Variants in GRM7 observed in about 807,000 individuals in gnomAD.
The protein encoded by GRM7 is metabotropic glutamate receptor 7.
Under a neutral mutation model 84.5 loss-of-function variants are expected in GRM7, and 35 were observed. That is an observed-to-expected ratio of 0.41 (90% CI 0.32 to 0.55). GRM7 has a LOEUF of 0.55. Ranked by LOEUF, GRM7 falls within the 20% of genes least tolerant of loss-of-function variation. GRM7 has a pLI of 0.19. For synonymous variants in GRM7, 487 were observed against 455.1 expected, an observed-to-expected ratio of 1.07 and a Z score of -0.89; for missense variants, 1,003 against 1,194.6, an observed-to-expected ratio of 0.84 and a Z score of 2.36.
intron 2 of GRM7, among the ~76,000 whole-genome samples, chr3:7,273,878 G>C (rs916541316): frequency 1.3e-5 from 2 of 151,876 alleles, no homozygotes; most frequent in African/African-American, 4.8e-5. Flanking sequence ...TATTTATATA[G>C]TTGGAGTAAT....
intron 1 of GRM7, among the ~76,000 whole-genome samples, chr3:7,112,328 G>A (rs752080085): frequency 2.6e-5 from 4 of 151,674 alleles, no homozygotes; most frequent in Non-Finnish European, 5.9e-5. Flanking sequence ...AGGTTCAAGC[G>A]ATTCTCCTGC....
At chr3:7,673,610 T>C (rs1700015817) in intron 8 of GRM7, among the ~76,000 whole-genome samples, 1 of 151,906 alleles carries the variant, frequency 6.6e-6, no homozygotes, top group South Asian at 2.1e-4. Flanking sequence ...CTACAATAAA[T>C]GTATCACTTT....
At chr3:7,674,605 G>C (rs1270427029) in intron 8 of GRM7, among the ~76,000 whole-genome samples, 1 of 152,158 alleles carries the variant, frequency 6.6e-6, no homozygotes, top group Non-Finnish European at 1.5e-5. Context: ...TGTGTGTGTG[G>C]TAAGGAAACT....
intron 9 of GRM7, among the ~76,000 whole-genome samples, chr3:7,709,343 C>G (rs2125164469): frequency 6.6e-6 from 1 of 151,102 alleles, no homozygotes; most frequent in East Asian, 1.9e-4. Context: ...TAGTTTGGAA[C>G]AGAGAGTTTG....
intron 1 of GRM7, among the ~76,000 whole-genome samples, chr3:6,924,296 A>G (rs1013467080): frequency 6.6e-6 from 1 of 152,218 alleles, no homozygotes; most frequent in African/African-American, 2.4e-5. Flanking sequence ...GAGATAGACA[A>G]ATATCTCCAA....
chr3:7,482,024 T>C (rs1319769387), intron 7 of GRM7, among the ~76,000 whole-genome samples: 4 of 151,974 alleles, frequency 2.6e-5, no homozygotes, highest in Admixed American at 1.3e-4. Flanking sequence ...CTGTCTCTAC[T>C]AAAAATACAA....
At chr3:7,407,587 T>G (rs1695737975) in intron 4 of GRM7, among the ~76,000 whole-genome samples, 1 of 150,878 alleles carries the variant, frequency 6.6e-6, no homozygotes, top group Non-Finnish European at 1.5e-5. Context: ...CTGTAAGGTA[T>G]CCTACTATCC....
chr3:7,505,684 A>C (rs1319340596), intron 7 of GRM7, among the ~76,000 whole-genome samples: 2 of 152,188 alleles, frequency 1.3e-5, no homozygotes, highest in African/African-American at 4.8e-5. Flanking sequence ...TACCTTCTGA[A>C]GCACTGGGAC....
chr3:6,998,865 G>A (rs368089182), intron 1 of GRM7, among the ~76,000 whole-genome samples: 1 of 152,268 alleles, frequency 6.6e-6, no homozygotes, highest in East Asian at 1.9e-4. Context: ...CTGGGCCCAG[G>A]CCCTGAAACC....
At chr3:7,469,467 T>C (rs1698605444) in intron 7 of GRM7, among the ~76,000 whole-genome samples, 1 of 152,184 alleles carries the variant, frequency 6.6e-6, no homozygotes, top group Non-Finnish European at 1.5e-5. Flanking sequence ...GAGCATGAGG[T>C]GAAATTGCTG....
At chr3:7,091,180 G>A (rs1490082528) in intron 1 of GRM7, among the ~76,000 whole-genome samples, 1 of 150,530 alleles carries the variant, frequency 6.6e-6, no homozygotes, top group African/African-American at 2.5e-5. Context: ...GGTGTCGAAA[G>A]GATTGATTTG....
intron 4 of GRM7, among the ~76,000 whole-genome samples, chr3:7,391,444 C>A (rs1171678683): frequency 6.6e-6 from 1 of 151,900 alleles, no homozygotes; most frequent in East Asian, 1.9e-4. Context: ...TCATTCTGAG[C>A]AAACTATCAC....
At chr3:7,031,651 G>A (rs1445753819) in intron 1 of GRM7, among the ~76,000 whole-genome samples, 1 of 151,930 alleles carries the variant, frequency 6.6e-6, no homozygotes, top group Non-Finnish European at 1.5e-5. Context: ...TTTTCATGAT[G>A]TTACTCCAGA....
intron 8 of GRM7, among the ~76,000 whole-genome samples, chr3:7,671,921 G>A (rs190508797): frequency 6.6e-6 from 1 of 152,038 alleles, no homozygotes. Flanking sequence ...AAACTTCTTG[G>A]CATTGAATCT....
intron 9 of GRM7, among the ~76,000 whole-genome samples, chr3:7,736,591 T>C (rs1457053508): frequency 1.3e-5 from 2 of 152,140 alleles, no homozygotes; most frequent in Non-Finnish European, 2.9e-5. Context: ...AGCTATAGTT[T>C]ATGGACAACA....
chr3:7,489,125 G>A lies in GRM7; in HGVS notation c.1515+27403G>A, dbSNP rs181026033. On this transcript the variant is annotated intron_variant, in intron 7 of 9. Transcript: ENST00000357716. Reference sequence around the variant, plus strand: ...TCTACCCTCCTCAGAGTATTAAAGTGCCTCTATGGATACATATTTTTAAAA... The same window carrying A: ...TCTACCCTCCTCAGAGTATTAAAGTACCTCTATGGATACATATTTTTAAAA... 5.8e-3 allele frequency among the ~76,000 whole-genome samples: 878 copies of A among 152,178 alleles called. 6 individuals carry two copies. Among genetic ancestry groups the A allele is most frequent in the Admixed American group, 0.013 (203 of 15,276 alleles).
chr3:7,135,777 T>G (rs4564968), intron 1 of GRM7, among the ~76,000 whole-genome samples: 4,362 of 152,282 alleles, frequency 0.029, 162 homozygotes, highest in African/African-American at 0.087. Context: ...TTAACATGCA[T>G]GGAAACAATT....
At chr3:7,107,037 C>T (rs145512814) in intron 1 of GRM7, among the ~76,000 whole-genome samples, 222 of 152,108 alleles carry the variant, frequency 1.5e-3, no homozygotes, top group African/African-American at 5.0e-3. Context: ...TTTAAACTCA[C>T]ACAAAACCTA....
chr3:7,002,290 A>G (rs534512230), intron 1 of GRM7, among the ~76,000 whole-genome samples: 68 of 152,314 alleles, frequency 4.5e-4, no homozygotes, highest in Non-Finnish European at 9.1e-4. Context: ...AATTTTGTAT[A>G]ATCTTTATTA....
Sources: gnomAD v4.1 joint callset for allele counts (sites outside exome capture counted in the v4.1 genomes callset) on GRCh38, gnomAD v4.1.1 for gene constraint, MANE v1.5 for transcripts, NCBI Gene and HGNC (gene_info 2026-07-23, HGNC 2026-07-21) for gene names.